Variants in FHOD3 observed in about 807,000 individuals in gnomAD.
The protein encoded by FHOD3 is formin homology 2 domain containing 3.
FHOD3 carries 90 observed loss-of-function variants against 173.0 expected under a neutral mutation model. The ratio of observed to expected loss-of-function variants is 0.52; its 90% CI spans 0.44 to 0.62. The LOEUF is 0.62. Among genes scored for constraint, FHOD3 ranks in the 20% least tolerant of loss-of-function variants. The probability of loss-of-function intolerance (pLI) is 0.00; values close to 1 mark genes in which losing one functional copy is unlikely to be tolerated. For missense variants in FHOD3, 1,945 were observed against 2,034.7 expected, an observed-to-expected ratio of 0.96 and a Z score of 0.85; for synonymous variants, 828 against 823.0, an observed-to-expected ratio of 1.01 and a Z score of -0.10.
At chr18:36,617,769 A>C (rs1495897) in intron 9 of FHOD3, among the ~76,000 whole-genome samples, 1 of 152,040 alleles carries the variant, frequency 6.6e-6, no homozygotes, top group African/African-American at 2.4e-5. Context: ...GGAAAATTAC[A>C]TGGGCCTGTG....
intron 6 of FHOD3, among the ~76,000 whole-genome samples, chr18:36,590,858 T>G (rs1002677828): frequency 6.6e-6 from 1 of 152,134 alleles, no homozygotes; most frequent in African/African-American, 2.4e-5. Context: ...GCTTAGGGAT[T>G]CTGGGTGCCT....
At chr18:36,477,165 T>C (rs1358061271) in intron 3 of FHOD3, among the ~76,000 whole-genome samples, 3 of 151,982 alleles carry the variant, frequency 2.0e-5, no homozygotes, top group African/African-American at 7.3e-5. Context: ...GGAGGTGACC[T>C]GTGGGGTGTG....
At chr18:36,625,317 C>T (rs1471799466) in intron 9 of FHOD3, among the ~76,000 whole-genome samples, 194 bp from the exon 10 acceptor site, 1 of 152,224 alleles carries the variant, frequency 6.6e-6, no homozygotes, top group Non-Finnish European at 1.5e-5. Flanking sequence ...CAGTGGCAGG[C>T]ATCTTCCAGT....
At chr18:36,620,600 A>G (rs1326213787) in intron 9 of FHOD3, among the ~76,000 whole-genome samples, 1 of 152,230 alleles carries the variant, frequency 6.6e-6, no homozygotes, top group East Asian at 1.9e-4. Flanking sequence ...TGCCCAAAGT[A>G]GAAGTTCAGT....
At chr18:36,724,456 A>C (rs545173969) in intron 19 of FHOD3, among the ~76,000 whole-genome samples, 1 of 152,178 alleles carries the variant, frequency 6.6e-6, no homozygotes, top group Non-Finnish European at 1.5e-5. Flanking sequence ...AAGCTTTGGC[A>C]GTTGACAGTC....
intron 3 of FHOD3, among the ~76,000 whole-genome samples, chr18:36,390,412 T>A (rs2048243631): frequency 1.3e-5 from 2 of 152,262 alleles, no homozygotes; most frequent in South Asian, 4.2e-4. Context: ...AAAATGTGAC[T>A]CTGTTTGGGG....
rs879456871 is a variant in FHOD3 at position 36,491,739 on chromosome 18, C to T, written c.338-10193C>T. Among the ~76,000 whole-genome samples the T allele has an allele frequency of 3.3e-5, 5 of 150,800 alleles. 1 individual carries two copies. The highest frequency in any genetic ancestry group is 1.9e-4 in the East Asian group (1 of 5,202). On this transcript the variant is annotated intron_variant, in intron 3 of 28. Transcript: ENST00000590592. Reference sequence around the variant, plus strand: ...AACAGCATCACGGTGCTGCCTCCTCCGGGCACCTGTACACAGATCTTCCCA... The same window carrying T: ...AACAGCATCACGGTGCTGCCTCCTCTGGGCACCTGTACACAGATCTTCCCA...
chr18:36,458,944 C>G (rs1005758338), intron 3 of FHOD3, among the ~76,000 whole-genome samples: 1 of 152,184 alleles, frequency 6.6e-6, no homozygotes, highest in Non-Finnish European at 1.5e-5. Context: ...GAACATTTGA[C>G]TATGTTGCCT....
intron 1 of FHOD3, among the ~76,000 whole-genome samples, chr18:36,314,294 C>T (rs1029840516): frequency 2.0e-5 from 3 of 152,318 alleles, no homozygotes; most frequent in South Asian, 2.1e-4. Context: ...ACAGGGACAA[C>T]GCCTATGACA....
At chr18:36,474,366 G>T (rs976603455) in intron 3 of FHOD3, among the ~76,000 whole-genome samples, 1 of 152,212 alleles carries the variant, frequency 6.6e-6, no homozygotes, top group Admixed American at 6.5e-5. Flanking sequence ...GGAAGGGAGA[G>T]AATAAGGATT....
Position 36,391,411 on chromosome 18 carries a change from G to C in FHOD3, c.337+18667G>C, listed in dbSNP as rs146592018. Reference sequence around the variant, plus strand: ...AGTCCAGACAGGGATCCCTTGGCCTGGCTGGGGTAGCCTTGTTCATGGGAA... The same window carrying C: ...AGTCCAGACAGGGATCCCTTGGCCTCGCTGGGGTAGCCTTGTTCATGGGAA... On this transcript the variant is annotated intron_variant, in intron 3 of 28. Transcript: ENST00000590592. Among the ~76,000 whole-genome samples the C allele has an allele frequency of 1.4e-3, 208 of 152,292 alleles. 1 individual carries two copies. The South Asian group carries it at 0.017, about 12-fold the overall frequency.
intron 20 of FHOD3, among the ~76,000 whole-genome samples, chr18:36,740,110 C>G (rs2041832709): frequency 6.6e-6 from 1 of 152,094 alleles, no homozygotes; most frequent in South Asian, 2.1e-4. Flanking sequence ...TTGATTTTTA[C>G]CAGAAACAAA....
At chr18:36,558,824 A>T (rs1219110666) in intron 5 of FHOD3, among the ~76,000 whole-genome samples, 1 of 152,238 alleles carries the variant, frequency 6.6e-6, no homozygotes, top group Non-Finnish European at 1.5e-5. Context: ...TTGGAACTTT[A>T]TAAAAGTATA....
intron 1 of FHOD3, among the ~76,000 whole-genome samples, chr18:36,349,428 A>G (rs2046015280): frequency 6.6e-6 from 1 of 152,200 alleles, no homozygotes; most frequent in Non-Finnish European, 1.5e-5. Context: ...GGATGGGGGA[A>G]CCAATGAAGT....
intron 5 of FHOD3, among the ~76,000 whole-genome samples, chr18:36,520,131 T>C (rs866831448): frequency 1.3e-5 from 2 of 152,024 alleles, no homozygotes; most frequent in African/African-American, 4.8e-5. Context: ...CTAATATTTT[T>C]TATTTTTTGT....
intron 3 of FHOD3, among the ~76,000 whole-genome samples, chr18:36,389,435 T>C (rs1446658488): frequency 1.3e-5 from 2 of 152,206 alleles, no homozygotes; most frequent in Non-Finnish European, 2.9e-5. Context: ...ACCTGTGATT[T>C]TCAGTATTAA....
At chr18:36,490,424 C>G (rs1247817884) in intron 3 of FHOD3, among the ~76,000 whole-genome samples, 2 of 152,130 alleles carry the variant, frequency 1.3e-5, no homozygotes, top group South Asian at 4.1e-4. Context: ...GGGCTTTCCT[C>G]CTCAGTAAAG....
chr18:36,436,361 A>G (rs1485914873), intron 3 of FHOD3, among the ~76,000 whole-genome samples: 1 of 152,156 alleles, frequency 6.6e-6, no homozygotes, highest in African/African-American at 2.4e-5. Flanking sequence ...TTGGGATTGC[A>G]GTGAAAGTGA....
chr18:36,780,212 T>A lies in FHOD3; in HGVS notation c.*682T>A, dbSNP rs2043971532. 1 of 1,230,838 alleles carries A rather than the reference T, an allele frequency of 8.1e-7. No individual in the cohort carries two copies. Among genetic ancestry groups the A allele is most frequent in the Non-Finnish European group, 1.0e-6 (1 of 987,176 alleles). The allele number at this position is 1,230,838 out of a possible 1,614,324, so 76.2% of individuals were successfully genotyped here. On this transcript the variant is annotated 3_prime_UTR_variant, in exon 29 of 29. Transcript: ENST00000590592. ...GGCTGTATTTTGTTAATAGAGTGAG[T>A]AACATCAACAGTGTGCTCTTTGAAA...
Sources: allele counts gnomAD v4.1 joint callset (sites outside exome capture counted in the v4.1 genomes callset), GRCh38; gene constraint gnomAD v4.1.1; transcripts MANE v1.5; gene names NCBI Gene and HGNC (gene_info 2026-07-23, HGNC 2026-07-21).